Variants in DNAH12 observed in about 807,000 individuals in gnomAD.
The protein encoded by DNAH12 is dynein axonemal heavy chain 12.
DNAH12 carries 285 observed loss-of-function variants against 371.5 expected under a neutral mutation model. That is an observed-to-expected ratio of 0.77 (90% confidence interval 0.70 to 0.85). The LOEUF is 0.85. Ranked by LOEUF, DNAH12 falls within the 40% of genes least tolerant of loss-of-function variation. The pLI is 0.00. For missense variants in DNAH12, 3,611 were observed against 3,689.4 expected (o/e 0.98, Z 0.55); for synonymous variants, 1,200 against 1,213.0 (o/e 0.99, Z 0.22).
In DNAH12 at chr3:57,413,770, C is replaced by T. The variant is rs782183779; in HGVS notation, c.5996G>A (p.Arg1999Gln). Reference sequence around the variant, plus strand: ...CCAATGTCCACAGTCAAAAAACTGTCGTAATAATTCAATAGGTGGTTGAGC... The same window carrying T: ...CCAATGTCCACAGTCAAAAAACTGTTGTAATAATTCAATAGGTGGTTGAGC... ...YGAQPPIELL[R>Q]QFFDCGHWYD... is the part of the protein sequence containing the mutation. The change falls in exon 39 of 74, where the codon CGA (arginine) becomes CAA (glutamine). Residue 1999 changes from arginine to glutamine, a missense_variant. Arg to Gln is a conservative substitution (Grantham distance 43). This residue lies in a region of DNAH12 where 2,266 missense variants were observed against 2,236.9 expected (regional missense o/e 1.01). Coordinates refer to ENST00000495027, the MANE Select transcript of DNAH12 (RefSeq NM_001366028.2). The T allele has an allele frequency of 7.1e-6, 11 of 1,550,628 alleles. No individual in the cohort carries two copies. Among genetic ancestry groups the T allele is most frequent in the East Asian group, 4.9e-5 (2 of 40,806 alleles).
At chr3:57,523,669 T>C in intron 3 of DNAH12, 60 bp from the exon 4 acceptor site, 1 of 1,354,934 alleles carries the variant, frequency 7.4e-7, no homozygotes, top group Non-Finnish European at 9.7e-7. Context: ...TTAATTTAAA[T>C]TGTTTAAAAA....
intron 16 of DNAH12, among the ~76,000 whole-genome samples, chr3:57,469,731 C>T (rs2066313625): frequency 6.6e-6 from 1 of 152,140 alleles, no homozygotes; most frequent in Non-Finnish European, 1.5e-5. Context: ...GATGGAGGAA[C>T]AGAAAACCAA....
intron 60 of DNAH12, among the ~76,000 whole-genome samples, chr3:57,343,887 C>A (rs1553657109): frequency 1.3e-5 from 2 of 152,176 alleles, no homozygotes. Context: ...ATCTGGCCCA[C>A]ATACACGTCT....
intron 36 of DNAH12, among the ~76,000 whole-genome samples, chr3:57,421,267 T>C (rs1669477885): frequency 6.6e-6 from 1 of 152,160 alleles, no homozygotes; most frequent in South Asian, 2.1e-4. Flanking sequence ...ACTTGCTGTT[T>C]AAAAAATGCT....
At chr3:57,499,673 T>TATAC (rs1553711699) in intron 11 of DNAH12, among the ~76,000 whole-genome samples, 2 of 44,452 alleles carry the variant, frequency 4.5e-5, no homozygotes, top group African/African-American at 1.8e-4. Flanking sequence ...TATATATATA[T>TATAC]ATACTTCTTA....
intron 17 of DNAH12, among the ~76,000 whole-genome samples, chr3:57,467,824 T>C (rs945963172): frequency 1.3e-5 from 2 of 152,126 alleles, no homozygotes; most frequent in Non-Finnish European, 2.9e-5. Flanking sequence ...TGGCTGCCAT[T>C]CACCACCTAA....
rs190660873 is a variant in DNAH12 at position 57,323,337 on chromosome 3, T to A, written c.10130-77A>T. On this transcript the variant is annotated intron_variant, in intron 63 of 73. Coordinates refer to ENST00000495027, the MANE Select transcript of DNAH12 (RefSeq NM_001366028.2). ...AAGTGCCTTATGTATAGGTGTTTTA[T>A]CATGAAAAATTCTAGTTACGTTTCT... 1.3e-4 allele frequency: 189 copies of A among 1,484,072 alleles called. No homozygotes were observed. In the South Asian group the frequency reaches 2.6e-3, roughly 20 times the overall value. 91.9% of individuals were successfully genotyped at this position (1,484,072 alleles called of 1,614,324 possible).
At chr3:57,373,729 T>A (rs2063224633) in intron 55 of DNAH12, among the ~76,000 whole-genome samples, 3 of 152,230 alleles carry the variant, frequency 2.0e-5, no homozygotes, top group Non-Finnish European at 4.4e-5. Flanking sequence ...TCTAATATTC[T>A]GTTAAACAGA....
chr3:57,336,129 G>A (rs1553653609), intron 60 of DNAH12, among the ~76,000 whole-genome samples: 1 of 152,110 alleles, frequency 6.6e-6, no homozygotes, highest in African/African-American at 2.4e-5. Context: ...TTAGAGGTGT[G>A]GGCCACTGCA....
intron 11 of DNAH12, among the ~76,000 whole-genome samples, chr3:57,495,718 G>A (rs2067289794): frequency 7.0e-6 from 1 of 142,508 alleles, no homozygotes; most frequent in Non-Finnish European, 1.5e-5. Context: ...TATATCTGCT[G>A]GTGAGATTAT....
chr3:57,339,832 G>A (rs1044156088), intron 60 of DNAH12, among the ~76,000 whole-genome samples: 4 of 152,116 alleles, frequency 2.6e-5, no homozygotes, highest in African/African-American at 4.8e-5. Context: ...CACTTTGGGA[G>A]GCTAAGGCAG....
In DNAH12 at chr3:57,436,963, A is replaced by G. The variant is rs552260724; in HGVS notation, c.4643T>C (p.Ile1548Thr). ...EKIIQTYEMMIVRHGFMLVGE... is the reference protein window; with the variant it reads ...EKIIQTYEMMTVRHGFMLVGE... ...TATATAATCTTACCCATGTCTAACA[A>G]TCATCATTTCATATGTTTGAATTAT... The change falls in exon 30 of 74, where the codon ATT becomes ACT. Residue 1548 changes from isoleucine (I) to threonine (T), a missense_variant. Around this residue, in one of 3 missense-constraint regions of DNAH12, gnomAD observed 2,266 missense variants for 2,236.9 expected, o/e 1.01. Transcript: ENST00000495027. 18 of 1,477,964 alleles carry G rather than the reference A, an allele frequency of 1.2e-5. No individual in the cohort carries two copies. Among genetic ancestry groups the G allele is most frequent in the African/African-American group, 8.7e-5 (6 of 69,260 alleles). The allele number at this position is 1,477,964 out of a possible 1,614,324, so 91.6% of individuals were successfully genotyped here.
intron 45 of DNAH12, among the ~76,000 whole-genome samples, chr3:57,389,731 G>A (rs2063569869): frequency 6.7e-6 from 1 of 150,158 alleles, no homozygotes; most frequent in Admixed American, 6.7e-5. Context: ...CATGGGCTCA[G>A]GCATAAAACA....
chr3:57,310,407 C>G (rs2061561047), intron 67 of DNAH12, among the ~76,000 whole-genome samples: 1 of 152,274 alleles, frequency 6.6e-6, no homozygotes, highest in South Asian at 2.1e-4. Flanking sequence ...TCTTCTCCTG[C>G]TAATTTGTTT....
chr3:57,356,484 TAAATAAAATAAAG>T lies in DNAH12; in HGVS notation c.9533+679_9533+691del, dbSNP rs2062804122. On this transcript the variant is annotated intron_variant, in intron 59 of 73. Coordinates refer to ENST00000495027, the MANE Select transcript of DNAH12 (RefSeq NM_001366028.2). ...ATAAATAAATAAATAAATAAATAAA[TAAATAAAATAAAG>T]AAAAAAGAAATGTGGGACTGAAGCC... Among the ~76,000 whole-genome samples the T allele has an allele frequency of 7.1e-4, 101 of 142,736 alleles. 1 individual carries two copies. Among genetic ancestry groups the T allele is most frequent in the African/African-American group, 2.5e-3 (101 of 39,726 alleles). 93.6% of individuals were successfully genotyped at this position (142,736 alleles called of 152,430 possible).
intron 25 of DNAH12, among the ~76,000 whole-genome samples, chr3:57,452,552 A>G (rs1344964745): frequency 6.6e-6 from 1 of 152,160 alleles, no homozygotes; most frequent in Non-Finnish European, 1.5e-5. Context: ...GCAAAAACTG[A>G]TACCATTTTC....
intron 60 of DNAH12, among the ~76,000 whole-genome samples, chr3:57,348,589 A>T (rs1199481261): frequency 6.6e-6 from 1 of 152,222 alleles, no homozygotes; most frequent in African/African-American, 2.4e-5. Flanking sequence ...GAGGTTGTAC[A>T]TAAGAAATCT....
intron 35 of DNAH12, among the ~76,000 whole-genome samples, chr3:57,424,710 G>A (rs983743134): frequency 9.9e-5 from 15 of 151,300 alleles, no homozygotes; most frequent in Admixed American, 9.2e-4. Context: ...TGGGGGAGGT[G>A]GGGGGTGGAG....
At chr3:57,304,768 G>A (rs747561624) in intron 69 of DNAH12, among the ~76,000 whole-genome samples, 6 of 151,790 alleles carry the variant, frequency 4.0e-5, no homozygotes, top group East Asian at 1.9e-4. Flanking sequence ...CCTTTTCTCC[G>A]TGTCTCTACA....
Sources: allele counts gnomAD v4.1 joint callset (sites outside exome capture counted in the v4.1 genomes callset), GRCh38; gene constraint gnomAD v4.1.1; regional missense constraint gnomAD v4.1.1; transcripts MANE v1.5; gene names NCBI Gene and HGNC (gene_info 2026-07-23, HGNC 2026-07-21).